FSTL4: variants seen among roughly 807,000 people sequenced by gnomAD.
FSTL4 encodes the protein follistatin-related protein 4.
A neutral mutation model predicts 78.2 loss-of-function variants in FSTL4; 28 were observed. The ratio of observed to expected loss-of-function variants is 0.36; its 90% CI spans 0.27 to 0.49. The LOEUF (loss-of-function observed/expected upper bound fraction) is 0.49, where lower values mean the gene tolerates loss of function less well. Among genes scored for constraint, FSTL4 ranks in the 20% least tolerant of loss-of-function variants. The pLI, the probability that FSTL4 is intolerant of heterozygous loss-of-function variation, is 0.98. For missense variants in FSTL4, 922 were observed against 1,084.9 expected (o/e 0.85, Z 2.11); for synonymous variants, 422 against 440.5 (o/e 0.96, Z 0.53).
chr5:133,695,931 G>A, the FSTL4 span, among the ~76,000 whole-genome samples: 6 of 152,322 alleles, frequency 3.9e-5, no homozygotes, highest in South Asian at 2.1e-4. Flanking sequence ...TGCTGGCTCC[G>A]TTCCTGATCA....
intron 3 of FSTL4, among the ~76,000 whole-genome samples, chr5:133,551,780 G>A (rs761063636): frequency 4.3e-4 from 66 of 152,300 alleles, no homozygotes; most frequent in Non-Finnish European, 8.2e-4. Context: ...TACTGTAAAT[G>A]TATATTTAGA....
rs1378543182 is a variant in FSTL4, at chr5:133,352,361, CATATATAT to C, written c.410-35717_410-35710del. 9.6e-3 allele frequency among the ~76,000 whole-genome samples: 1,408 copies of C among 147,136 alleles called. 11 individuals carry two copies. The highest frequency in any genetic ancestry group is 0.016 in the Admixed American group (240 of 14,746). On this transcript the variant is annotated intron_variant, in intron 4 of 15. Coordinates refer to ENST00000265342, the MANE Select transcript of FSTL4 (RefSeq NM_015082.2). ...ATATATACACATATATATACACACA[CATATATAT>C]ACACATATATATATATACACACACA...
chr5:133,753,683 C>CTTTGTGTTTGTGTGTG, the FSTL4 span, among the ~76,000 whole-genome samples: 2 of 120,600 alleles, frequency 1.7e-5, no homozygotes, highest in African/African-American at 6.1e-5. Context: ...CACATTTGTT[C>CTTTGTGTTTGTGTGTG]TGTGTGTGTG....
At chr5:133,445,748 T>G (rs1757250981) in intron 3 of FSTL4, among the ~76,000 whole-genome samples, 1 of 152,188 alleles carries the variant, frequency 6.6e-6, no homozygotes, top group East Asian at 1.9e-4. Context: ...CCTGTGTATT[T>G]GCCTGTCAGA....
At chr5:133,542,591 G>A (rs955467521) in intron 3 of FSTL4, among the ~76,000 whole-genome samples, 3 of 152,110 alleles carry the variant, frequency 2.0e-5, no homozygotes, top group Non-Finnish European at 4.4e-5. Flanking sequence ...TATTCTTTGT[G>A]GGAAGATTTC....
In FSTL4 at chr5:133,603,768, A is replaced by T. The variant is rs977851107; in HGVS notation, c.126+90T>A. On this transcript the variant is annotated intron_variant, in intron 2 of 15. Transcript: ENST00000265342. ...TTTAATTCACTTTGTGATCTAACTG[A>T]TCTAAACTAAAGGTGGAGGGGAAAT... 2.8e-6 allele frequency: 4 copies of T among 1,409,922 alleles called. No individual in the cohort carries two copies. The African/African-American group carries it at 5.6e-5, about 20-fold the overall frequency. 87.3% of individuals were successfully genotyped at this position (1,409,922 alleles called of 1,614,324 possible).
At chr5:133,674,086 T>C in the FSTL4 span, among the ~76,000 whole-genome samples, 1 of 152,116 alleles carries the variant, frequency 6.6e-6, no homozygotes, top group African/African-American at 2.4e-5. Flanking sequence ...ATAGCAAAGG[T>C]TGGGGGCCTG....
chr5:133,647,608 A>G, the FSTL4 span, among the ~76,000 whole-genome samples: 1 of 152,202 alleles, frequency 6.6e-6, no homozygotes, highest in Non-Finnish European at 1.5e-5. Flanking sequence ...GAGATAGCAC[A>G]CAGCTAAGAA....
rs1333670320 is a variant in FSTL4 at position 133,217,322 on chromosome 5, A to G, written c.1515T>C (p.Ser505=). ...TGTACCGGTTCCGGACATTGACTGC[A>G]GATACCCACTGGCAGGGCTGGGTTG... is the stretch of plus-strand genomic sequence containing the variant. ...KNATQPCQWV[S]AVNVRNRYIY... is the part of the protein sequence containing the mutation. Residue 505 remains serine (S), a synonymous_variant, in exon 13 of 16, where the codon TCT becomes TCC. Coordinates refer to ENST00000265342, the MANE Select transcript of FSTL4 (RefSeq NM_015082.2). 2.5e-6 allele frequency: 4 copies of G among 1,613,938 alleles called. No homozygotes were observed. In the Admixed American group the frequency reaches 6.7e-5, roughly 27 times the overall value.
the FSTL4 span, among the ~76,000 whole-genome samples, chr5:133,689,881 T>C: frequency 2.0e-5 from 3 of 152,086 alleles, no homozygotes; most frequent in Non-Finnish European, 4.4e-5. Context: ...ACCAACATGG[T>C]GAAACCCCGT....
At chr5:133,688,947 G>A in the FSTL4 span, among the ~76,000 whole-genome samples, 1 of 152,198 alleles carries the variant, frequency 6.6e-6, no homozygotes, top group Admixed American at 6.5e-5. Flanking sequence ...TGGTCCTTTA[G>A]CTCCTGGGTG....
At chr5:133,415,873 C>T (rs887712331) in intron 3 of FSTL4, among the ~76,000 whole-genome samples, 18 of 152,320 alleles carry the variant, frequency 1.2e-4, no homozygotes, top group Middle Eastern at 3.4e-3. Context: ...AGAATGAACT[C>T]TGTGGTTGGA....
intron 3 of FSTL4, among the ~76,000 whole-genome samples, chr5:133,528,989 C>T (rs1759195259): frequency 6.6e-6 from 1 of 152,188 alleles, no homozygotes; most frequent in Non-Finnish European, 1.5e-5. Flanking sequence ...CCCATGAGAA[C>T]GTCCCACAGG....
intron 8 of FSTL4, among the ~76,000 whole-genome samples, chr5:133,232,435 T>C (rs1037273071): frequency 6.6e-6 from 1 of 152,260 alleles, no homozygotes. Flanking sequence ...AACTGTATAA[T>C]GGGAAGGAGG....
intron 3 of FSTL4, among the ~76,000 whole-genome samples, chr5:133,421,498 T>G (rs193054131): frequency 6.9e-6 from 1 of 145,200 alleles, no homozygotes; most frequent in Non-Finnish European, 1.5e-5. Flanking sequence ...GCTGAGCATA[T>G]GGGATAAGAG....
intron 3 of FSTL4, among the ~76,000 whole-genome samples, chr5:133,444,881 G>A (rs974927576): frequency 6.6e-6 from 1 of 152,204 alleles, no homozygotes; most frequent in African/African-American, 2.4e-5. Context: ...CATTTCTGGG[G>A]CCAAGGGAGG....
rs1751288924 is a variant in FSTL4, at chr5:133,225,205, C to T, written c.1257G>A (p.Val419=). Residue 419 remains valine, a synonymous_variant, in exon 10 of 16, where the codon GTG becomes GTA. Transcript: ENST00000265342. This position sits in a 1 kb window ranked among gnomAD's most constrained non-coding sequence, Gnocchi z 4.6. ...GCGAGGAGATATCTTCATCCACACC[C>T]ACTTCATTTTTGGCAATGCAGGTGT... ...GAYTCIAKNE[V]GVDEDISSLF... 1.2e-6 allele frequency: 2 copies of T among 1,614,050 alleles called. No individual in the cohort carries two copies. Among genetic ancestry groups the T allele is most frequent in the Non-Finnish European group, 1.7e-6 (2 of 1,180,008 alleles).
At chr5:133,707,671 G>C in the FSTL4 span, among the ~76,000 whole-genome samples, 1 of 150,518 alleles carries the variant, frequency 6.6e-6, no homozygotes, top group Admixed American at 6.6e-5. Flanking sequence ...TGTGCTCTGA[G>C]GACTAAACAA....
intron 6 of FSTL4, among the ~76,000 whole-genome samples, chr5:133,281,090 G>A (rs965276517): frequency 1.3e-5 from 2 of 152,186 alleles, no homozygotes; most frequent in Admixed American, 1.3e-4. Context: ...TGAGCAGTGA[G>A]CCTGCACACC....
Sources: gnomAD v4.1 joint callset for allele counts (sites outside exome capture counted in the v4.1 genomes callset) on GRCh38, gnomAD v4.1.1 for gene constraint, Gnocchi (gnomAD v3.1) non-coding constraint, MANE v1.5 for transcripts, NCBI Gene and HGNC (gene_info 2026-07-23, HGNC 2026-07-21) for gene names.